Variants in CDH13 observed in about 807,000 individuals in gnomAD.
CDH13 encodes the protein cadherin 13.
In CDH13, 24 loss-of-function variants were observed where a neutral mutation model predicts 63.8. The observed-to-expected ratio is 0.38, with a 90% CI of 0.27 to 0.53. CDH13 has a LOEUF of 0.53. Ranked by LOEUF, CDH13 falls within the 20% of genes least tolerant of loss-of-function variation. The probability of loss-of-function intolerance (pLI) is 0.85; values close to 1 mark genes in which losing one functional copy is unlikely to be tolerated. For missense variants in CDH13, 1,049 were observed against 903.1 expected (o/e 1.16, Z -2.07); for synonymous variants, 503 against 355.3 (o/e 1.42, Z -4.67).
chr16:83,093,527 C>T (rs2034035320), intron 3 of CDH13, among the ~76,000 whole-genome samples: 1 of 151,786 alleles, frequency 6.6e-6, no homozygotes, highest in Non-Finnish European at 1.5e-5. Flanking sequence ...ACCGTGTTGG[C>T]CAGCCTGGTC....
intron 8 of CDH13, among the ~76,000 whole-genome samples, chr16:83,663,802 A>G (rs1913670623): frequency 6.6e-6 from 1 of 152,130 alleles, no homozygotes; most frequent in East Asian, 1.9e-4. Context: ...ATTAAAAATC[A>G]AGTCTCTGAC....
chr16:83,736,606 A>T (rs559654472), intron 10 of CDH13, among the ~76,000 whole-genome samples: 4 of 150,100 alleles, frequency 2.7e-5, no homozygotes, highest in African/African-American at 7.4e-5. Context: ...TTGTTTCCTT[A>T]CTCTAATAGC....
chr16:83,479,152 A>T (rs896391907), intron 6 of CDH13, among the ~76,000 whole-genome samples: 10 of 152,346 alleles, frequency 6.6e-5, no homozygotes, highest in Admixed American at 6.5e-4. Flanking sequence ...TGCACTCAAC[A>T]GAAGTATCTA....
intron 1 of CDH13, among the ~76,000 whole-genome samples, chr16:82,809,186 C>G (rs564597513): frequency 3.3e-5 from 5 of 152,146 alleles, no homozygotes; most frequent in African/African-American, 1.2e-4. Flanking sequence ...TATCTGTTTC[C>G]TCATACTGTC....
chr16:82,788,838 C>T (rs1945497168), intron 1 of CDH13, among the ~76,000 whole-genome samples: 3 of 152,156 alleles, frequency 2.0e-5, no homozygotes, highest in Non-Finnish European at 2.9e-5. Context: ...GAATGGGTAG[C>T]ATAATTGACA....
intron 5 of CDH13, among the ~76,000 whole-genome samples, chr16:83,270,227 T>C (rs2088760877): frequency 6.6e-6 from 1 of 151,872 alleles, no homozygotes; most frequent in Non-Finnish European, 1.5e-5. Flanking sequence ...ATAACACGAG[T>C]GTTTGATGAC....
intron 6 of CDH13, among the ~76,000 whole-genome samples, chr16:83,386,331 C>A (rs1212546139): frequency 6.6e-6 from 1 of 152,166 alleles, no homozygotes; most frequent in East Asian, 1.9e-4. Flanking sequence ...GGATAGGCGT[C>A]CCAGGATGCT....
chr16:82,773,736 A>AT (rs376375491), intron 1 of CDH13, among the ~76,000 whole-genome samples: 20 of 149,688 alleles, frequency 1.3e-4, no homozygotes, highest in East Asian at 9.9e-4. Flanking sequence ...CCAACATTGC[A>AT]TTTTTTTTTC....
At chr16:82,683,732 C>T (rs1016429570) in intron 1 of CDH13, among the ~76,000 whole-genome samples, 1 of 152,204 alleles carries the variant, frequency 6.6e-6, no homozygotes, top group Non-Finnish European at 1.5e-5. Flanking sequence ...CCATCTAGCT[C>T]AGTCCATACT....
chr16:83,415,247 G>A (rs142216939), intron 6 of CDH13, among the ~76,000 whole-genome samples: 2 of 152,052 alleles, frequency 1.3e-5, no homozygotes, highest in Non-Finnish European at 2.9e-5. Flanking sequence ...TAGAAAGTCC[G>A]AACGGACCCA....
intron 1 of CDH13, among the ~76,000 whole-genome samples, chr16:82,790,985 C>A (rs2036269248): frequency 6.6e-6 from 1 of 152,220 alleles, no homozygotes; most frequent in African/African-American, 2.4e-5. Context: ...CGCCTGTAAT[C>A]CCAGCACTTT....
intron 1 of CDH13, among the ~76,000 whole-genome samples, chr16:82,712,515 G>A (rs1187418622): frequency 1.3e-5 from 2 of 151,978 alleles, no homozygotes; most frequent in Non-Finnish European, 2.9e-5. Flanking sequence ...CTCTTACCAC[G>A]CCTATCATGG....
At chr16:82,975,670 A>G (rs947089849) in intron 2 of CDH13, among the ~76,000 whole-genome samples, 1 of 152,222 alleles carries the variant, frequency 6.6e-6, no homozygotes, top group Admixed American at 6.5e-5. Flanking sequence ...CAACTCCAAG[A>G]AAATTGGATT....
intron 6 of CDH13, among the ~76,000 whole-genome samples, chr16:83,380,149 AG>A (rs2091536720): frequency 6.6e-6 from 1 of 152,030 alleles, no homozygotes; most frequent in Non-Finnish European, 1.5e-5. Flanking sequence ...ATTGGTAAAA[AG>A]GTTGAAAGTC....
chr16:83,501,561 G>GT (rs907972590), intron 7 of CDH13, among the ~76,000 whole-genome samples: 71 of 152,308 alleles, frequency 4.7e-4, no homozygotes, highest in African/African-American at 1.6e-3. Flanking sequence ...CAATTACGGC[G>GT]TTTTTTCATC....
chr16:82,886,042 A>G (rs1231132390), intron 2 of CDH13, among the ~76,000 whole-genome samples: 1 of 152,216 alleles, frequency 6.6e-6, no homozygotes, highest in Non-Finnish European at 1.5e-5. Flanking sequence ...TTATAATTAT[A>G]AATGCAGTCA....
At chr16:82,847,206 A>T (rs2081927976) in intron 1 of CDH13, among the ~76,000 whole-genome samples, 1 of 152,222 alleles carries the variant, frequency 6.6e-6, no homozygotes, top group South Asian at 2.1e-4. Flanking sequence ...AGTAGACTGC[A>T]TTAGTTCCCA....
intron 2 of CDH13, among the ~76,000 whole-genome samples, chr16:82,946,596 C>A (rs1904742086): frequency 6.6e-6 from 1 of 152,092 alleles, no homozygotes; most frequent in Non-Finnish European, 1.5e-5. Context: ...TGGCCTGTGC[C>A]TGTAATCCCA....
chr16:82,995,146 G>A (rs1295730604), intron 2 of CDH13, among the ~76,000 whole-genome samples: 1 of 152,156 alleles, frequency 6.6e-6, no homozygotes, highest in Non-Finnish European at 1.5e-5. Flanking sequence ...GTGGCTCAGG[G>A]ATGGAGAGAC....
Sources: allele counts gnomAD v4.1 joint callset (sites outside exome capture counted in the v4.1 genomes callset), GRCh38; gene constraint gnomAD v4.1.1; transcripts MANE v1.5; gene names NCBI Gene and HGNC (gene_info 2026-07-23, HGNC 2026-07-21).